The following MBTD1 variants were observed in gnomAD, a reference collection of about 807,000 sequenced individuals.
MBTD1 encodes mbt domain containing 1, also known as MBT domain-containing protein 1.
In MBTD1, 24 loss-of-function variants were observed where a neutral mutation model predicts 87.8. The observed-to-expected ratio is 0.27, with a 90% CI of 0.20 to 0.38. The LOEUF is 0.38. MBTD1 is among the 10% of genes least tolerant of loss of function. MBTD1 has a pLI of 1.00. For synonymous variants in MBTD1, 237 were observed against 248.6 expected (o/e 0.95, Z 0.44); for missense variants, 436 against 760.2 (o/e 0.57, Z 5.02).
rs2050211702 is a variant in MBTD1 at position 51,179,494 on chromosome 17, A to ATATATATT, written c.*1081_*1082insAATATATA. 2.4e-5 allele frequency: 1 copy of ATATATATT among 41,462 alleles called. No homozygotes were observed. Among genetic ancestry groups the ATATATATT allele is most frequent in the Non-Finnish European group, 4.8e-5 (1 of 20,710 alleles). The allele number at this position is 41,462 out of a possible 1,614,324, so 2.6% of individuals were successfully genotyped here. A position where few individuals can be genotyped will look rare whatever the true frequency, so the allele number is the denominator to read the frequency against. On this transcript the variant is annotated 3_prime_UTR_variant, in exon 17 of 17. Coordinates refer to ENST00000586178, the MANE Select transcript of MBTD1 (RefSeq NM_017643.3). ...CAATTAAAGACAATTTTATATATAT[A>ATATATATT]TATATATATATATATATATATATAT...
Position 51,195,278 on chromosome 17 carries a change from G to C in MBTD1, c.1308C>G (p.Thr436=), listed in dbSNP as rs1331942395. Residue 436 remains threonine (T), a synonymous_variant, in exon 13 of 17, where the codon ACC becomes ACG. Transcript: ENST00000586178. ...DGSDWFCYHA[T]SPSIFPVGFC... is the part of the protein sequence containing the mutation. The stretch of plus-strand genomic sequence containing the variant: ...AACCGACAGGGAAAATAGAAGGAGA[G>C]GTTGCATGGTAACAGAACCAGTCAG... 3 of 1,612,754 alleles carry C rather than the reference G, an allele frequency of 1.9e-6. No individual in the cohort carries two copies. The Admixed American group carries it at 5.0e-5, about 27-fold the overall frequency.
chr17:51,212,144 G>C (rs987036486), intron 6 of MBTD1, among the ~76,000 whole-genome samples: 1 of 152,124 alleles, frequency 6.6e-6, no homozygotes, highest in African/African-American at 2.4e-5. Flanking sequence ...CAGATCACGA[G>C]GTCAGGAGTT....
chr17:51,185,098 A>T (rs1351646470), intron 16 of MBTD1: 1 of 152,244 alleles, frequency 6.6e-6, no homozygotes, highest in Non-Finnish European at 1.5e-5. Context: ...AACAAACAAG[A>T]AAACCCCCAT....
intron 2 of MBTD1, among the ~76,000 whole-genome samples, chr17:51,252,161 T>C (rs1053677522): frequency 6.6e-6 from 1 of 152,192 alleles, no homozygotes; most frequent in African/African-American, 2.4e-5. Context: ...CTTAAATCTG[T>C]AGCAGCGCAT....
intron 2 of MBTD1, among the ~76,000 whole-genome samples, chr17:51,232,512 CAA>C (rs1025810061): frequency 3.3e-5 from 5 of 151,892 alleles, no homozygotes; most frequent in Non-Finnish European, 5.9e-5. Context: ...CAATATAAAA[CAA>C]ACACCAACTT....
chr17:51,222,391 A>G (rs1442106682), intron 3 of MBTD1, among the ~76,000 whole-genome samples: 2 of 151,614 alleles, frequency 1.3e-5, no homozygotes, highest in Non-Finnish European at 2.9e-5. Flanking sequence ...AGACACGGGT[A>G]GTTTTTTTGT....
chr17:51,238,328 C>T (rs9898592), intron 2 of MBTD1, among the ~76,000 whole-genome samples: 6,340 of 152,182 alleles, frequency 0.042, 441 homozygotes, highest in African/African-American at 0.14. Context: ...GAAGCCCCTT[C>T]GAAAAACTTA....
At chr17:51,202,363 T>C (rs115523756) in intron 10 of MBTD1, among the ~76,000 whole-genome samples, 2,832 of 152,328 alleles carry the variant, frequency 0.019, 62 homozygotes, top group African/African-American at 0.046. Context: ...GTGCTTAGTA[T>C]TAAGTCTAAC....
chr17:51,209,963 AAAAAG>A (rs946046604), intron 6 of MBTD1, among the ~76,000 whole-genome samples: 4 of 152,164 alleles, frequency 2.6e-5, no homozygotes, highest in African/African-American at 9.7e-5. Flanking sequence ...TAGAAAGTAG[AAAAAG>A]AAAAGAAAAA....
At chr17:51,215,928 T>TA (rs2052542410) in intron 6 of MBTD1, among the ~76,000 whole-genome samples, 1 of 29,756 alleles carries the variant, frequency 3.4e-5, no homozygotes, top group African/African-American at 1.8e-4. Flanking sequence ...AAAGCCCTAA[T>TA]TTTTTTTTTT....
intron 2 of MBTD1, among the ~76,000 whole-genome samples, chr17:51,240,546 T>G (rs879469540): frequency 2.6e-5 from 4 of 152,230 alleles, no homozygotes; most frequent in African/African-American, 4.8e-5. Flanking sequence ...GTTATGTTTT[T>G]GGCAGGTACA....
chr17:51,244,378 G>T (rs1245483276), intron 2 of MBTD1, among the ~76,000 whole-genome samples: 1 of 152,080 alleles, frequency 6.6e-6, no homozygotes, highest in East Asian at 1.9e-4. Flanking sequence ...CTCAAAATAT[G>T]CCAGATGTGG....
At chr17:51,260,812 C>T (rs2055438496), upstream of MBTD1, 1 of 1,589,042 alleles carries the variant, frequency 6.3e-7, no homozygotes, top group Non-Finnish European at 8.6e-7. Context: ...GGCAGCGGAA[C>T]CGCCTGAGGC....
intron 2 of MBTD1, chr17:51,251,069 C>G (rs2054750757): frequency 6.6e-6 from 1 of 152,108 alleles, no homozygotes; most frequent in Admixed American, 6.5e-5. Flanking sequence ...TTTCAAATCT[C>G]CAAACATTGG....
intron 16 of MBTD1, among the ~76,000 whole-genome samples, chr17:51,181,322 G>C (rs886544472): frequency 4.6e-5 from 7 of 152,068 alleles, no homozygotes; most frequent in South Asian, 2.1e-4. Context: ...ACCGTGCCCG[G>C]CCTCAAGGAG....
intron 2 of MBTD1, among the ~76,000 whole-genome samples, chr17:51,251,962 G>A (rs547415675): frequency 1.1e-3 from 173 of 152,172 alleles, no homozygotes; most frequent in African/African-American, 3.9e-3. Context: ...ACAGGGTTTC[G>A]CCATGTTGGC....
At chr17:51,218,102 C>T (rs912650638) in intron 5 of MBTD1, among the ~76,000 whole-genome samples, 1 of 152,128 alleles carries the variant, frequency 6.6e-6, no homozygotes, top group Non-Finnish European at 1.5e-5. Context: ...AATTACCTCA[C>T]TTTCTATTTA....
intron 3 of MBTD1, among the ~76,000 whole-genome samples, chr17:51,223,004 C>G (rs1379877002): frequency 1.3e-5 from 2 of 151,630 alleles, no homozygotes; most frequent in African/African-American, 2.4e-5. Flanking sequence ...CGGGGTTTCA[C>G]CATGTTGTCC....
chr17:51,181,091 G>A (rs963826426), intron 16 of MBTD1, among the ~76,000 whole-genome samples: 6 of 148,044 alleles, frequency 4.1e-5, no homozygotes, highest in African/African-American at 1.0e-4. Context: ...GAGTGAACTC[G>A]GCTTACTGCA....
Sources: gnomAD v4.1 joint callset for allele counts (sites outside exome capture counted in the v4.1 genomes callset) on GRCh38, gnomAD v4.1.1 for gene constraint, MANE v1.5 for transcripts, NCBI Gene and HGNC (gene_info 2026-07-23, HGNC 2026-07-21) for gene names.